Variants in ASIP observed in about 807,000 individuals in gnomAD.
ASIP encodes the protein agouti-signaling protein.
Under a neutral mutation model 10.3 loss-of-function variants are expected in ASIP, and 11 were observed. That is an observed-to-expected ratio of 1.07 (90% confidence interval 0.68 to 1.78). ASIP has a LOEUF of 1.78. Among genes scored for constraint, ASIP ranks in the 40% most tolerant of loss-of-function variants. The pLI is 0.00. For synonymous variants in ASIP, 70 were observed against 70.8 expected (o/e 0.99, Z 0.06); for missense variants, 180 against 169.2 (o/e 1.06, Z -0.35).
chr20:34,211,305 C>G (rs1160848936), intron 1 of ASIP, among the ~76,000 whole-genome samples: 1 of 152,208 alleles, frequency 6.6e-6, no homozygotes. Context: ...TCAAATGATC[C>G]TCCCACTTCG....
chr20:34,190,209 ATAGAT>A (rs1464731578), upstream of ASIP, among the ~76,000 whole-genome samples: 1 of 152,170 alleles, frequency 6.6e-6, no homozygotes, highest in African/African-American at 2.4e-5. Context: ...TGCCTGTCCG[ATAGAT>A]TGGATTTCTT....
chr20:34,213,561 CAG>C, intron 1 of ASIP: 1 of 1,544,316 alleles, frequency 6.5e-7, no homozygotes, highest in South Asian at 1.2e-5. Flanking sequence ...TTGCATGAAG[CAG>C]GGGCATGAAC....
intron 1 of ASIP, among the ~76,000 whole-genome samples, chr20:34,235,607 AG>A (rs2035170526): frequency 6.6e-6 from 1 of 151,786 alleles, no homozygotes; most frequent in Non-Finnish European, 1.5e-5. Flanking sequence ...CAAAACAAAA[AG>A]TTTGTTTGTG....
upstream of ASIP, among the ~76,000 whole-genome samples, chr20:34,237,108 G>T (rs2035220762): frequency 6.6e-6 from 1 of 152,024 alleles, no homozygotes. Context: ...CTTTATGCAA[G>T]TACCACACTG....
intron 1 of ASIP, among the ~76,000 whole-genome samples, chr20:34,195,790 T>TTTTTG (rs199940777): frequency 6.6e-6 from 1 of 151,990 alleles, no homozygotes; most frequent in Non-Finnish European, 1.5e-5. Context: ...ATTACCTTTT[T>TTTTTG]TTTTGTTTTG....
At chr20:34,235,716 C>T (rs1157784256) in intron 1 of ASIP, among the ~76,000 whole-genome samples, 2 of 149,688 alleles carry the variant, frequency 1.3e-5, no homozygotes, top group East Asian at 2.0e-4. Flanking sequence ...CCCAGGAAGT[C>T]GTGGCTGAAG....
At chr20:34,257,074 T>TTC (rs2035584464) in intron 1 of ASIP, among the ~76,000 whole-genome samples, 1 of 151,066 alleles carries the variant, frequency 6.6e-6, no homozygotes, top group African/African-American at 2.4e-5. Flanking sequence ...CTTTCTCTTT[T>TTC]TTTTTTTTGT....
intron 1 of ASIP, among the ~76,000 whole-genome samples, chr20:34,216,775 T>C (rs1432336291): frequency 1.3e-5 from 2 of 152,244 alleles, no homozygotes; most frequent in East Asian, 3.8e-4. Context: ...GTTCCATTCA[T>C]CTGTATCTGT....
chr20:34,197,730 C>T (rs922482265), intron 1 of ASIP, among the ~76,000 whole-genome samples: 9 of 152,116 alleles, frequency 5.9e-5, no homozygotes, highest in Non-Finnish European at 1.3e-4. Flanking sequence ...CTAGTGAAGG[C>T]ATTCATTGCT....
At chr20:34,208,726 AT>A (rs1291006037) in intron 1 of ASIP, among the ~76,000 whole-genome samples, 1 of 152,204 alleles carries the variant, frequency 6.6e-6, no homozygotes, top group African/African-American at 2.4e-5. Flanking sequence ...CATTTTAACA[AT>A]ATTGATTCTT....
chr20:34,268,439 C>T (rs1181511883), intron 3 of ASIP, among the ~76,000 whole-genome samples: 2 of 152,078 alleles, frequency 1.3e-5, no homozygotes, highest in Non-Finnish European at 2.9e-5. Flanking sequence ...CCACTTAGGC[C>T]GGGCGCGGTG....
At position 34,269,313 on chromosome 20, in the gene ASIP, C is replaced by A; in HGVS notation, c.*146C>A. ...GGACTTCAGGGAGACCTGGCTTGGG[C>A]TAAAATCGAAATACAATATATATAG... On this transcript the variant is annotated 3_prime_UTR_variant, in exon 4 of 4. Coordinates refer to ENST00000374954, the MANE Select transcript of ASIP (RefSeq NM_001672.3). The A allele has an allele frequency of 1.9e-6, 2 of 1,080,288 alleles. No individual in the cohort carries two copies. Among genetic ancestry groups the A allele is most frequent in the Non-Finnish European group, 2.5e-6 (2 of 790,836 alleles). The allele number at this position is 1,080,288 out of a possible 1,614,324, so 66.9% of individuals were successfully genotyped here.
chr20:34,242,190 A>AATTTTTATTTTATTTTATTTTATT, intron 1 of ASIP, among the ~76,000 whole-genome samples: 3 of 151,138 alleles, frequency 2.0e-5, no homozygotes, highest in Admixed American at 6.6e-5. Context: ...TCCTTTTTAA[A>AATTTTTATTTTATTTTATTTTATT]ATTTTTATTT....
At chr20:34,246,987 T>TTTTTTGG (rs1432594875) in intron 1 of ASIP, among the ~76,000 whole-genome samples, 4 of 118,472 alleles carry the variant, frequency 3.4e-5, no homozygotes, top group Admixed American at 7.8e-5. Context: ...TGGTTTTTGT[T>TTTTTTGG]TTTTTGTTTT....
chr20:34,215,078 G>C, intron 1 of ASIP: 8 of 1,555,330 alleles, frequency 5.1e-6, no homozygotes, highest in Non-Finnish European at 7.1e-6. Context: ...CCAGCAGACT[G>C]TAATACTTGA....
At position 34,269,309 on chromosome 20, in the gene ASIP, T is replaced by A; in HGVS notation, c.*142T>A. ...GATGGGACTTCAGGGAGACCTGGCT[T>A]GGGCTAAAATCGAAATACAATATAT... On this transcript the variant is annotated 3_prime_UTR_variant, in exon 4 of 4. Coordinates refer to ENST00000374954, the MANE Select transcript of ASIP (RefSeq NM_001672.3). 1 of 1,107,344 alleles carries A rather than the reference T, an allele frequency of 9.0e-7. No individual in the cohort carries two copies. The highest frequency in any genetic ancestry group is 1.2e-6 in the Non-Finnish European group (1 of 815,652). The allele number at this position is 1,107,344 out of a possible 1,614,324, so 68.6% of individuals were successfully genotyped here. A position where few individuals can be genotyped will look rare whatever the true frequency, so the allele number is the denominator to read the frequency against.
intron 1 of ASIP, among the ~76,000 whole-genome samples, chr20:34,227,749 T>C (rs1411628014): frequency 1.3e-5 from 2 of 152,120 alleles, no homozygotes; most frequent in Non-Finnish European, 2.9e-5. Context: ...AAACTCCCAG[T>C]AGGTTTTAGT....
chr20:34,224,209 T>G (rs2035077121), intron 1 of ASIP, among the ~76,000 whole-genome samples: 2 of 150,268 alleles, frequency 1.3e-5, no homozygotes, highest in Non-Finnish European at 3.0e-5. Context: ...ACCCAAGAAT[T>G]ATCAATAAAA....
intron 3 of ASIP, among the ~76,000 whole-genome samples, chr20:34,268,167 G>A (rs1045576079): frequency 2.6e-5 from 4 of 152,062 alleles, no homozygotes; most frequent in South Asian, 2.1e-4. Context: ...CACATTTCAC[G>A]TACTCAGTAG....
Sources: allele counts gnomAD v4.1 joint callset (sites outside exome capture counted in the v4.1 genomes callset), GRCh38; gene constraint gnomAD v4.1.1; transcripts MANE v1.5; gene names NCBI Gene and HGNC (gene_info 2026-07-23, HGNC 2026-07-21).